The following ASIC2 variants were observed in gnomAD, a reference collection of about 807,000 sequenced individuals.
The protein encoded by ASIC2 is acid-sensing ion channel 2.
In ASIC2, 25 loss-of-function variants were observed where a neutral mutation model predicts 57.3. That is an observed-to-expected ratio of 0.44 (90% CI 0.32 to 0.61). The LOEUF is 0.61. Ranked by LOEUF, ASIC2 falls within the 20% of genes least tolerant of loss-of-function variation. ASIC2 has a pLI of 0.06. For synonymous variants in ASIC2, 319 were observed against 307.5 expected (o/e 1.04, Z -0.39); for missense variants, 641 against 738.1 (o/e 0.87, Z 1.52).
At chr17:33,296,364 G>A (rs965442738), upstream of ASIC2, among the ~76,000 whole-genome samples, 5 of 152,142 alleles carry the variant, frequency 3.3e-5, no homozygotes, top group African/African-American at 1.2e-4. Context: ...CCTAGTCCAC[G>A]CTGCCTCAGT....
chr17:33,216,888 G>A (rs1219059508), intron 1 of ASIC2, among the ~76,000 whole-genome samples: 2 of 152,168 alleles, frequency 1.3e-5, no homozygotes. Flanking sequence ...TCAGGGGGTT[G>A]TTTGAATAAT....
intron 1 of ASIC2, among the ~76,000 whole-genome samples, chr17:33,583,289 A>C (rs1397993909): frequency 1.3e-5 from 2 of 148,368 alleles, no homozygotes; most frequent in African/African-American, 2.6e-5. Flanking sequence ...GTCCACAGCA[A>C]ACCTTGCTCA....
At chr17:33,170,410 G>T (rs191733063) in intron 1 of ASIC2, among the ~76,000 whole-genome samples, 1 of 152,290 alleles carries the variant, frequency 6.6e-6, no homozygotes. Flanking sequence ...TTGACTAGGA[G>T]ATGTGAGAGT....
intron 1 of ASIC2, among the ~76,000 whole-genome samples, chr17:33,420,929 T>C (rs1202454036): frequency 6.6e-6 from 1 of 152,214 alleles, no homozygotes; most frequent in African/African-American, 2.4e-5. Flanking sequence ...AAGAAATTAA[T>C]GTGTTTGCAC....
chr17:34,068,814 T>C (rs1444340779), intron 1 of ASIC2, among the ~76,000 whole-genome samples: 2 of 152,182 alleles, frequency 1.3e-5, no homozygotes, highest in African/African-American at 4.8e-5. Context: ...GGCTGTCCAG[T>C]GGGCCCTCAG....
At chr17:33,314,949 T>A (rs961918608) in intron 1 of ASIC2, among the ~76,000 whole-genome samples, 1 of 152,168 alleles carries the variant, frequency 6.6e-6, no homozygotes, top group Admixed American at 6.5e-5. Context: ...TCTTGCCTCA[T>A]TTCAAAGGGA....
At chr17:33,678,173 A>C (rs1287948225) in intron 1 of ASIC2, among the ~76,000 whole-genome samples, 1 of 152,186 alleles carries the variant, frequency 6.6e-6, no homozygotes, top group Non-Finnish European at 1.5e-5. Flanking sequence ...TTTAGCAATG[A>C]AATATTTTTT....
chr17:33,760,112 A>C (rs2701478), intron 1 of ASIC2, among the ~76,000 whole-genome samples: 51,647 of 152,026 alleles, frequency 0.34, 10,690 homozygotes, highest in Non-Finnish European at 0.49. Flanking sequence ...GCAGTTTGTT[A>C]AAATTGGAAT....
At chr17:33,841,117 T>C (rs918151634) in intron 1 of ASIC2, among the ~76,000 whole-genome samples, 1 of 152,216 alleles carries the variant, frequency 6.6e-6, no homozygotes, top group Non-Finnish European at 1.5e-5. Context: ...TAATTAGCTG[T>C]TCTGGTTTAC....
At chr17:33,564,502 G>A (rs1223029423) in intron 1 of ASIC2, among the ~76,000 whole-genome samples, 2 of 152,198 alleles carry the variant, frequency 1.3e-5, no homozygotes, top group Non-Finnish European at 2.9e-5. Context: ...ACTCTGTTTG[G>A]GTTTCCTGAG....
chr17:33,627,055 A>G (rs369041986), intron 1 of ASIC2: 1 of 152,436 alleles, frequency 6.6e-6, no homozygotes, highest in South Asian at 2.1e-4. Context: ...TCAGCCTCCA[A>G]GAACCCTGAA....
chr17:34,028,835 T>A (rs1907475367), intron 1 of ASIC2, among the ~76,000 whole-genome samples: 1 of 152,178 alleles, frequency 6.6e-6, no homozygotes, highest in African/African-American at 2.4e-5. Context: ...CTTCTTGGAT[T>A]GAATCTTTCT....
chr17:33,899,316 G>A (rs571253863), intron 1 of ASIC2, among the ~76,000 whole-genome samples: 2 of 152,248 alleles, frequency 1.3e-5, no homozygotes, highest in African/African-American at 4.8e-5. Context: ...GAACCGTGGG[G>A]TGGACCCCTG....
intron 1 of ASIC2, among the ~76,000 whole-genome samples, chr17:33,370,813 C>T (rs1273462188): frequency 1.3e-5 from 2 of 152,210 alleles, no homozygotes; most frequent in Non-Finnish European, 2.9e-5. Context: ...AGCATGTACA[C>T]GTGTTACCGG....
At chr17:33,038,981 C>T (rs1318493940) in intron 3 of ASIC2, among the ~76,000 whole-genome samples, 3 of 152,144 alleles carry the variant, frequency 2.0e-5, no homozygotes, top group Non-Finnish European at 4.4e-5. Context: ...TGTCTGCATC[C>T]CACACTCTGA....
intron 1 of ASIC2, among the ~76,000 whole-genome samples, chr17:33,314,844 T>C (rs1432819168): frequency 2.0e-5 from 3 of 152,192 alleles, no homozygotes; most frequent in Non-Finnish European, 4.4e-5. Context: ...CTTGTCAATA[T>C]AGCTTGGACC....
chr17:33,789,089 A>T (rs1164930255), intron 1 of ASIC2, among the ~76,000 whole-genome samples: 1 of 152,156 alleles, frequency 6.6e-6, no homozygotes, highest in Admixed American at 6.6e-5. Flanking sequence ...GCAGTGTAAG[A>T]CATGCCTGCC....
chr17:33,717,182 GGT>G (rs142158056), intron 1 of ASIC2, among the ~76,000 whole-genome samples: 82 of 152,288 alleles, frequency 5.4e-4, no homozygotes, highest in African/African-American at 1.8e-3. Flanking sequence ...ACACAAAAAG[GGT>G]GTAATTACCA....
chr17:33,768,008 A>G (rs527324248), intron 1 of ASIC2, among the ~76,000 whole-genome samples: 1 of 149,394 alleles, frequency 6.7e-6, no homozygotes, highest in South Asian at 2.1e-4. Flanking sequence ...AGTTACATAC[A>G]CAATTTTTTT....
Sources: allele counts gnomAD v4.1 joint callset (sites outside exome capture counted in the v4.1 genomes callset), GRCh38; gene constraint gnomAD v4.1.1; transcripts MANE v1.5; gene names NCBI Gene and HGNC (gene_info 2026-07-23, HGNC 2026-07-21).